Variants in TC2N observed in about 807,000 individuals in gnomAD.
TC2N encodes tandem C2 domains nuclear protein.
A neutral mutation model predicts 61.9 loss-of-function variants in TC2N; 51 were observed. That is an observed-to-expected ratio of 0.82 (90% CI 0.66 to 1.04). The LOEUF (loss-of-function observed/expected upper bound fraction) is 1.04, where lower values mean the gene tolerates loss of function less well. Among genes scored for constraint, TC2N ranks in the 50% least tolerant of loss-of-function variants. TC2N has a pLI of 0.00. For synonymous variants in TC2N, 204 were observed against 192.6 expected, an observed-to-expected ratio of 1.06 and a Z score of -0.49; for missense variants, 556 against 566.7, an observed-to-expected ratio of 0.98 and a Z score of 0.19.
At chr14:91,808,991 G>A (rs1172935340) in intron 3 of TC2N, among the ~76,000 whole-genome samples, 1 of 152,138 alleles carries the variant, frequency 6.6e-6, no homozygotes, top group East Asian at 1.9e-4. Context: ...AAAAAAAAGA[G>A]AAAGATCAAT....
chr14:91,785,373 GA>G lies in TC2N; in HGVS notation c.1163-13del, dbSNP rs772639917. 1.2e-6 allele frequency: 2 copies of G among 1,601,196 alleles called. No individual in the cohort carries two copies. The highest frequency in any genetic ancestry group is 1.7e-6 in the Non-Finnish European group (2 of 1,169,732). ...CTTCACGAAAAAACCTAAAAAATTAGAAATATTGGTTTATAAAATGTTATTC... is the reference window on the plus strand; with the variant it reads ...CTTCACGAAAAAACCTAAAAAATTAGAATATTGGTTTATAAAATGTTATTC... On this transcript the variant is annotated splice_polypyrimidine_tract_variant and intron_variant, in intron 10 of 11. Coordinates refer to ENST00000435962, the MANE Select transcript of TC2N (RefSeq NM_001128596.3).
chr14:91,798,501 T>G, intron 6 of TC2N, 102 bp from the exon 7 acceptor site: 1 of 679,074 alleles, frequency 1.5e-6, no homozygotes. Context: ...TTTAAAATGC[T>G]ACAATTATTT....
chr14:91,785,025 T>C (rs1391569067), intron 11 of TC2N, 137 bp downstream of exon 11: 12 of 546,032 alleles, frequency 2.2e-5, no homozygotes, highest in Non-Finnish European at 9.1e-6. Flanking sequence ...GTTTCGATTT[T>C]TGTAGCAATT....
At chr14:91,821,611 C>G (rs1374809693) in intron 1 of TC2N, among the ~76,000 whole-genome samples, 1 of 152,030 alleles carries the variant, frequency 6.6e-6, no homozygotes, top group East Asian at 1.9e-4. Flanking sequence ...TTAGACACAA[C>G]ACCAAAAGCA....
chr14:91,813,408 T>C (rs1390502665), intron 2 of TC2N, among the ~76,000 whole-genome samples: 3 of 151,830 alleles, frequency 2.0e-5, no homozygotes, highest in African/African-American at 7.2e-5. Flanking sequence ...GTAATGCCCA[T>C]GTCCAATTTT....
At chr14:91,864,474 C>T (rs1449394926) in intron 1 of TC2N, among the ~76,000 whole-genome samples, 5 of 152,130 alleles carry the variant, frequency 3.3e-5, no homozygotes, top group East Asian at 1.9e-4. Flanking sequence ...ATGGTTCATA[C>T]GTTAAAACTC....
At chr14:91,865,551 G>T (rs1595283405) in intron 1 of TC2N, among the ~76,000 whole-genome samples, 1 of 151,790 alleles carries the variant, frequency 6.6e-6, no homozygotes, top group African/African-American at 2.4e-5. Context: ...AAATAATGAA[G>T]AGATTTGCTA....
At chr14:91,836,674 G>C (rs1888038461) in intron 1 of TC2N, 1 of 152,156 alleles carries the variant, frequency 6.6e-6, no homozygotes, top group African/African-American at 2.4e-5. Context: ...GCTGGGCGCG[G>C]AGGGGCGGGG....
intron 1 of TC2N, among the ~76,000 whole-genome samples, chr14:91,820,722 A>G (rs554228938): frequency 1.3e-4 from 20 of 151,974 alleles, no homozygotes; most frequent in African/African-American, 4.6e-4. Context: ...AAAATCTAAG[A>G]AATTCACTAA....
intron 1 of TC2N, among the ~76,000 whole-genome samples, chr14:91,833,318 A>T (rs1166610836): frequency 3.9e-5 from 6 of 152,226 alleles, no homozygotes; most frequent in Non-Finnish European, 8.8e-5. Context: ...TGAATAAAAT[A>T]AAAATTATCC....
chr14:91,842,806 G>A (rs1365961306), intron 1 of TC2N, among the ~76,000 whole-genome samples: 3 of 152,124 alleles, frequency 2.0e-5, no homozygotes, highest in African/African-American at 4.8e-5. Flanking sequence ...TAAGCTATGT[G>A]GTTCCACTTA....
chr14:91,833,314 A>T (rs1030709537), intron 1 of TC2N, among the ~76,000 whole-genome samples: 2 of 152,196 alleles, frequency 1.3e-5, no homozygotes, highest in Non-Finnish European at 2.9e-5. Context: ...TATATGAATA[A>T]AATAAAAATT....
At chr14:91,858,792 G>A (rs1888534426) in intron 1 of TC2N, among the ~76,000 whole-genome samples, 1 of 152,134 alleles carries the variant, frequency 6.6e-6, no homozygotes, top group South Asian at 2.1e-4. Context: ...CCTGCGAGTG[G>A]ATGAAGAAAC....
Position 91,798,983 on chromosome 14 carries a change from C to A in TC2N, c.637+6G>T, listed in dbSNP as rs769162770. 8 of 1,582,322 alleles carry A rather than the reference C, an allele frequency of 5.1e-6. No homozygotes were observed. Among genetic ancestry groups the A allele is most frequent in the Non-Finnish European group, 6.9e-6 (8 of 1,157,214 alleles). ...GAGTATAAAAGTAGGATACTTTATT[C>A]CTTACCCAGGCTTCTGTTACTCCCC... is the stretch of plus-strand genomic sequence containing the variant. On this transcript the variant is annotated splice_donor_region_variant and intron_variant, in intron 6 of 11. Coordinates refer to ENST00000435962, the MANE Select transcript of TC2N (RefSeq NM_001128596.3).
chr14:91,835,069 CTCAA>C (rs1887944953), intron 1 of TC2N, among the ~76,000 whole-genome samples: 1 of 152,198 alleles, frequency 6.6e-6, no homozygotes, highest in Admixed American at 6.5e-5. Flanking sequence ...GAATTAATCT[CTCAA>C]TATTAGTTTT....
intron 1 of TC2N, among the ~76,000 whole-genome samples, chr14:91,862,125 C>T (rs1206305403): frequency 1.3e-5 from 2 of 151,544 alleles, no homozygotes; most frequent in Non-Finnish European, 2.9e-5. Context: ...ATCACTTGAG[C>T]TCAGGAGATT....
intron 1 of TC2N, among the ~76,000 whole-genome samples, chr14:91,828,420 A>C (rs1887595836): frequency 6.6e-6 from 1 of 152,044 alleles, no homozygotes; most frequent in Admixed American, 6.5e-5. Flanking sequence ...TCTAAAAGAC[A>C]ATATTGAAGA....
At chr14:91,864,059 T>C (rs1888647543) in intron 1 of TC2N, among the ~76,000 whole-genome samples, 1 of 152,116 alleles carries the variant, frequency 6.6e-6, no homozygotes, top group Admixed American at 6.6e-5. Flanking sequence ...CAGTCCTCAG[T>C]TCTCCCTTAC....
chr14:91,853,395 T>G (rs1480460105), intron 1 of TC2N, among the ~76,000 whole-genome samples: 10 of 152,110 alleles, frequency 6.6e-5, no homozygotes. Context: ...GCATAATAAT[T>G]GGCACAGTCA....
Sources: allele counts gnomAD v4.1 joint callset (sites outside exome capture counted in the v4.1 genomes callset), GRCh38; gene constraint gnomAD v4.1.1; transcripts MANE v1.5; gene names NCBI Gene and HGNC (gene_info 2026-07-23, HGNC 2026-07-21).